Variants in CDCA8 observed in about 807,000 individuals in gnomAD.
The protein encoded by CDCA8 is cell division cycle associated 8, also known as borealin.
Under a neutral mutation model 40.0 loss-of-function variants are expected in CDCA8, and 25 were observed. The ratio of observed to expected loss-of-function variants is 0.63; its 90% CI spans 0.46 to 0.87. CDCA8 has a LOEUF of 0.87. Ranked by LOEUF, CDCA8 falls within the 40% of genes least tolerant of loss-of-function variation. CDCA8 has a pLI of 0.00. For missense variants in CDCA8, 280 were observed against 348.4 expected, an observed-to-expected ratio of 0.80 and a Z score of 1.56; for synonymous variants, 111 against 126.5, an observed-to-expected ratio of 0.88 and a Z score of 0.82.
At chr1:37,701,143 T>C (rs974561241) in intron 5 of CDCA8, among the ~76,000 whole-genome samples, 3 of 151,702 alleles carry the variant, frequency 2.0e-5, no homozygotes, top group African/African-American at 7.3e-5. Context: ...AAGAGGGAGA[T>C]TTGAGAGATA....
chr1:37,699,745 C>T (rs1570279555), intron 4 of CDCA8, among the ~76,000 whole-genome samples: 1 of 152,104 alleles, frequency 6.6e-6, no homozygotes, highest in South Asian at 2.1e-4. Context: ...CGGTGAACCC[C>T]CGTCTCTACT....
Position 37,696,244 on chromosome 1 carries a change from ACACTAT to A in CDCA8, c.264+295_264+300del. Among the ~76,000 whole-genome samples, 1 of 152,324 alleles carries A rather than the reference ACACTAT, an allele frequency of 6.6e-6. No homozygotes were observed. The highest frequency in any genetic ancestry group is 2.1e-4 in the South Asian group (1 of 4,826). ...AGTTCCTTTAAGCGCCTGAGTCATT[ACACTAT>A]GCATTGGCCTGCTAGATGATAAAGG... On this transcript the variant is annotated intron_variant, in intron 3 of 9. Transcript: ENST00000373055. This position sits in a 1 kb window ranked among gnomAD's most constrained non-coding sequence, Gnocchi z 5.0.
chr1:37,708,369 C>T lies in CDCA8; in HGVS notation c.*3C>T, dbSNP rs1645617274. 1 of 1,613,960 alleles carries T rather than the reference C, an allele frequency of 6.2e-7. No homozygotes were observed. Among genetic ancestry groups the T allele is most frequent in the South Asian group, 1.1e-5 (1 of 91,074 alleles). On this transcript the variant is annotated 3_prime_UTR_variant, in exon 10 of 10. Transcript: ENST00000373055. ...GCAGCATACGGACCCACAAATGAGA[C>T]ACCAAAGTTGACAGGATGGACTTTT...
chr1:37,703,166 A>G (rs1467561192), intron 6 of CDCA8, 86 bp from the exon 7 acceptor site: 1 of 1,017,614 alleles, frequency 9.8e-7, no homozygotes, highest in Non-Finnish European at 1.6e-6. Context: ...AGTATCTCAC[A>G]GTCAGCTCTC....
At chr1:37,697,122 A>G (rs973299388) in intron 3 of CDCA8, among the ~76,000 whole-genome samples, 1 of 152,252 alleles carries the variant, frequency 6.6e-6, no homozygotes, top group African/African-American at 2.4e-5. Flanking sequence ...GCCTTGACTA[A>G]TATGATTTAA....
intron 4 of CDCA8, among the ~76,000 whole-genome samples, chr1:37,699,657 C>A (rs1350000334): frequency 6.6e-6 from 1 of 152,034 alleles, no homozygotes; most frequent in African/African-American, 2.4e-5. Context: ...TGGTGGCTCA[C>A]GCCTGTAATC....
At chr1:37,701,860 G>T in intron 6 of CDCA8, 42 bp downstream of exon 6, 2 of 1,458,410 alleles carry the variant, frequency 1.4e-6, no homozygotes, top group East Asian at 2.3e-5. Flanking sequence ...GGTTTTATTG[G>T]AGAGCCATAT....
rs1645529318 is a variant in CDCA8, at chr1:37,696,662, C to T, written c.264+712C>T. ...GGGCTTCACAGAGTCCCTAGGCACTCTAAAATAATATACAAACAATGCGTG... is the reference window on the plus strand; with the variant it reads ...GGGCTTCACAGAGTCCCTAGGCACTTTAAAATAATATACAAACAATGCGTG... On this transcript the variant is annotated intron_variant, in intron 3 of 9. Transcript: ENST00000373055. The surrounding 1 kb of genome is among the most constrained non-coding windows in gnomAD (Gnocchi z 5.0). Among the ~76,000 whole-genome samples the T allele has an allele frequency of 6.6e-6, 1 of 152,188 alleles. No individual in the cohort carries two copies. The highest frequency in any genetic ancestry group is 2.1e-4 in the South Asian group (1 of 4,830).
Position 37,708,462 on chromosome 1 carries a change from A to G in CDCA8, c.*96A>G. 2.5e-6 allele frequency: 3 copies of G among 1,185,828 alleles called. No individual in the cohort carries two copies. Among genetic ancestry groups the G allele is most frequent in the Non-Finnish European group, 3.8e-6 (3 of 794,314 alleles). 73.5% of individuals were successfully genotyped at this position (1,185,828 alleles called of 1,614,324 possible). A position where few individuals can be genotyped will look rare whatever the true frequency, so the allele number is the denominator to read the frequency against. ...GCTTATTGTTTGAGTGTGAAGTTCC[A>G]GAGCAAGGAGCCATGTTCCTCTAAG... is the stretch of plus-strand genomic sequence containing the variant. On this transcript the variant is annotated 3_prime_UTR_variant, in exon 10 of 10. Transcript: ENST00000373055.
chr1:37,702,034 CCA>C (rs1313548916), intron 6 of CDCA8, among the ~76,000 whole-genome samples: 11 of 140,316 alleles, frequency 7.8e-5, no homozygotes, highest in African/African-American at 2.4e-4. Context: ...CTATCCTTCC[CCA>C]CTTTTTTTTT....
In CDCA8 at chr1:37,696,231, C is replaced by T. The variant is rs1241413390; in HGVS notation, c.264+281C>T. ...AGCCTCAAGCCCAAGTTCCTTTAAGCGCCTGAGTCATTACACTATGCATTG... is the reference window on the plus strand; with the variant it reads ...AGCCTCAAGCCCAAGTTCCTTTAAGTGCCTGAGTCATTACACTATGCATTG... On this transcript the variant is annotated intron_variant, in intron 3 of 9. Transcript: ENST00000373055. The surrounding 1 kb of genome is among the most constrained non-coding windows in gnomAD (Gnocchi z 5.0). Among the ~76,000 whole-genome samples the T allele has an allele frequency of 2.0e-5, 3 of 152,156 alleles. No homozygotes were observed. Among genetic ancestry groups the T allele is most frequent in the Non-Finnish European group, 2.9e-5 (2 of 68,030 alleles).
intron 8 of CDCA8, among the ~76,000 whole-genome samples, chr1:37,706,591 CT>C (rs1453192599): frequency 7.9e-5 from 12 of 152,210 alleles, no homozygotes; most frequent in African/African-American, 2.7e-4. Flanking sequence ...GAGGTATGCG[CT>C]TAGTCTAGAA....
rs775841916 is a variant in CDCA8, at chr1:37,706,959, C to T, written c.712-19C>T. The T allele has an allele frequency of 1.2e-6, 2 of 1,607,978 alleles. No individual in the cohort carries two copies. The highest frequency in any genetic ancestry group is 1.7e-5 in the Admixed American group (1 of 59,998). On this transcript the variant is annotated intron_variant, in intron 8 of 9. Transcript: ENST00000373055. ...CCTAAGGGCCATGGCCAGTTTAACCCACTCCCCTTTCTATTCAGAGCCTGC... is the reference window on the plus strand; with the variant it reads ...CCTAAGGGCCATGGCCAGTTTAACCTACTCCCCTTTCTATTCAGAGCCTGC...
chr1:37,693,735 C>T (rs1007732755), intron 2 of CDCA8, among the ~76,000 whole-genome samples: 2 of 152,046 alleles, frequency 1.3e-5, no homozygotes, highest in African/African-American at 2.4e-5. Context: ...GTATATTTTA[C>T]CCATTTAAAA....
rs1381551607 is a variant in CDCA8 at position 37,696,287 on chromosome 1, G to A, written c.264+337G>A. ...CTAGATGATAAAGGTGTTTCATCAT[G>A]TCGTACTGTAGAAGCAGTGCTTTTG... is the stretch of plus-strand genomic sequence containing the variant. On this transcript the variant is annotated intron_variant, in intron 3 of 9. Coordinates refer to ENST00000373055, the MANE Select transcript of CDCA8 (RefSeq NM_001256875.2). This position sits in a 1 kb window ranked among gnomAD's most constrained non-coding sequence, Gnocchi z 5.0. 6.6e-6 allele frequency among the ~76,000 whole-genome samples: 1 copy of A among 152,112 alleles called. No individual in the cohort carries two copies. Among genetic ancestry groups the A allele is most frequent in the Non-Finnish European group, 1.5e-5 (1 of 68,036 alleles).
intron 4 of CDCA8, 99 bp from the exon 5 acceptor site, chr1:37,700,331 TCCTTGC>T (rs1645555274): frequency 4.3e-6 from 3 of 702,314 alleles, no homozygotes; most frequent in African/African-American, 1.8e-5. Context: ...GTCCATTTCT[TCCTTGC>T]AGCTTAAGAT....
Position 37,700,489 on chromosome 1 carries a change from G to C in CDCA8, c.391G>C (p.Glu131Gln). 6.2e-7 allele frequency: 1 copy of C among 1,610,706 alleles called. No homozygotes were observed. The highest frequency in any genetic ancestry group is 1.1e-5 in the South Asian group (1 of 90,900). The change falls in exon 5 of 10, where the codon GAA becomes CAA. Residue 131 changes from glutamate (E) to glutamine (Q), a missense_variant. By Grantham distance (29) the Glu-to-Gln change is conservative. Coordinates refer to ENST00000373055, the MANE Select transcript of CDCA8 (RefSeq NM_001256875.2). Reference sequence around the variant, plus strand: ...GATAGTGGAAGAGGAAGAAGAAGAAGAAAATGAACGTAAGAATCTTCAAAC... The same window carrying C: ...GATAGTGGAAGAGGAAGAAGAAGAACAAAATGAACGTAAGAATCTTCAAAC... ...EMIVEEEEEE[E>Q]NERKNLQTAR...
intron 2 of CDCA8, 37 bp downstream of exon 2, chr1:37,693,070 AGCCCCTTGG>A (rs1645484384): frequency 8.1e-6 from 13 of 1,604,280 alleles, no homozygotes; most frequent in Middle Eastern, 1.7e-4. Flanking sequence ...GGAGGCCAGG[AGCCCCTTGG>A]GGTTAGGTGA....
intron 2 of CDCA8, among the ~76,000 whole-genome samples, chr1:37,695,330 C>T (rs1645518697): frequency 7.2e-6 from 1 of 139,338 alleles, no homozygotes; most frequent in South Asian, 2.2e-4. Flanking sequence ...GAGTTCAAAA[C>T]CAGCCTGGGC....
Sources: allele counts gnomAD v4.1 joint callset (sites outside exome capture counted in the v4.1 genomes callset), GRCh38; gene constraint gnomAD v4.1.1; non-coding constraint Gnocchi (gnomAD v3.1); transcripts MANE v1.5; gene names NCBI Gene and HGNC (gene_info 2026-07-23, HGNC 2026-07-21).